The following GABRG3 variants were observed in gnomAD, a reference collection of about 807,000 sequenced individuals.
GABRG3 encodes gamma-aminobutyric acid receptor subunit gamma-3.
Under a neutral mutation model 48.8 loss-of-function variants are expected in GABRG3, and 25 were observed. The ratio of observed to expected loss-of-function variants is 0.51; its 90% CI spans 0.37 to 0.72. The LOEUF (loss-of-function observed/expected upper bound fraction) is 0.72. Among genes scored for constraint, GABRG3 ranks in the 30% least tolerant of loss-of-function variants. GABRG3 has a pLI of 0.00. For synonymous variants in GABRG3, 227 were observed against 217.6 expected, an observed-to-expected ratio of 1.04 and a Z score of -0.38; for missense variants, 394 against 577.9, an observed-to-expected ratio of 0.68 and a Z score of 3.26.
chr15:27,069,820 A>C (rs1361064958), intron 3 of GABRG3, among the ~76,000 whole-genome samples: 1 of 152,204 alleles, frequency 6.6e-6, no homozygotes, highest in Non-Finnish European at 1.5e-5. Flanking sequence ...CACATGCAAA[A>C]ATCAGATGCC....
intron 3 of GABRG3, among the ~76,000 whole-genome samples, chr15:27,150,739 A>G (rs2140396243): frequency 6.6e-6 from 1 of 152,340 alleles, no homozygotes; most frequent in Non-Finnish European, 1.5e-5. Context: ...TTACTGGCAG[A>G]GTGCAGATGA....
At chr15:27,252,860 C>T (rs933910609) in intron 3 of GABRG3, among the ~76,000 whole-genome samples, 7 of 152,216 alleles carry the variant, frequency 4.6e-5, no homozygotes, top group African/African-American at 1.7e-4. Flanking sequence ...ATTTAAAATT[C>T]TAAACTGTAA....
intron 3 of GABRG3, among the ~76,000 whole-genome samples, chr15:27,048,130 C>A (rs146803432): frequency 4.6e-5 from 7 of 152,202 alleles, no homozygotes; most frequent in African/African-American, 1.7e-4. Context: ...AGGGGTGCTG[C>A]AGGGGGGTGA....
chr15:27,004,136 C>A (rs947270120), intron 2 of GABRG3, among the ~76,000 whole-genome samples: 13 of 150,664 alleles, frequency 8.6e-5, no homozygotes, highest in East Asian at 4.0e-4. Flanking sequence ...CTGACCCCCC[C>A]ACCTCCCTCC....
At chr15:27,354,001 A>G (rs556073037) in intron 5 of GABRG3, among the ~76,000 whole-genome samples, 162 of 152,228 alleles carry the variant, frequency 1.1e-3, no homozygotes, top group Non-Finnish European at 1.9e-3. Flanking sequence ...GTAAGGGCTC[A>G]GGAGGGAAGA....
intron 3 of GABRG3, among the ~76,000 whole-genome samples, chr15:27,097,895 C>T (rs969219453): frequency 1.3e-5 from 2 of 151,320 alleles, no homozygotes; most frequent in Non-Finnish European, 2.9e-5. Context: ...TATTACAAGC[C>T]TGCTGTCATT....
intron 3 of GABRG3, among the ~76,000 whole-genome samples, chr15:27,273,671 A>G (rs1891160283): frequency 6.6e-6 from 1 of 152,240 alleles, no homozygotes; most frequent in Admixed American, 6.5e-5. Flanking sequence ...TAACAGGATT[A>G]TCTGCCTAGT....
At chr15:27,351,933 A>T in intron 5 of GABRG3, among the ~76,000 whole-genome samples, 2 of 131,252 alleles carry the variant, frequency 1.5e-5, no homozygotes, top group African/African-American at 2.9e-5. Context: ...TTGTGTGTGT[A>T]TGGTGTGTGT....
At chr15:27,387,062 G>A (rs780818955) in intron 5 of GABRG3, among the ~76,000 whole-genome samples, 1 of 152,112 alleles carries the variant, frequency 6.6e-6, no homozygotes, top group African/African-American at 2.4e-5. Flanking sequence ...ATTATAGAGA[G>A]TTACTTGTGT....
At chr15:27,505,369 T>G (rs1890737477) in intron 6 of GABRG3, among the ~76,000 whole-genome samples, 1 of 152,196 alleles carries the variant, frequency 6.6e-6, no homozygotes, top group Non-Finnish European at 1.5e-5. Flanking sequence ...TTTGCAATTT[T>G]CTACTTGTTA....
At chr15:27,088,248 GGCGGGC>G (rs1256044850) in intron 3 of GABRG3, among the ~76,000 whole-genome samples, 2 of 128,726 alleles carry the variant, frequency 1.6e-5, no homozygotes, top group East Asian at 4.6e-4. Flanking sequence ...GAGTGCTCGG[GGCGGGC>G]GCGGGGGCGG....
chr15:27,346,066 AG>A (rs1566796990), intron 5 of GABRG3, among the ~76,000 whole-genome samples: 224 of 100,902 alleles, frequency 2.2e-3, no homozygotes, highest in Middle Eastern at 6.4e-3. Flanking sequence ...AAANNAAAAA[AG>A]AGAGAGAAAG....
At chr15:27,084,238 C>T (rs906474242) in intron 3 of GABRG3, among the ~76,000 whole-genome samples, 23 of 152,226 alleles carry the variant, frequency 1.5e-4, no homozygotes, top group Non-Finnish European at 2.9e-4. Flanking sequence ...GATTATCCCA[C>T]GTGCCTCTGA....
chr15:26,991,039 G>A (rs867437742), intron 2 of GABRG3, among the ~76,000 whole-genome samples: 3 of 152,008 alleles, frequency 2.0e-5, no homozygotes, highest in African/African-American at 7.2e-5. Context: ...TCCTGACCTC[G>A]TGATCCACTC....
chr15:27,175,619 C>G (rs945255917), intron 3 of GABRG3, among the ~76,000 whole-genome samples: 1 of 152,144 alleles, frequency 6.6e-6, no homozygotes, highest in Non-Finnish European at 1.5e-5. Flanking sequence ...GAGGCTCTCA[C>G]GGGGACATTA....
At chr15:26,977,686 T>C (rs188873338) in intron 2 of GABRG3, among the ~76,000 whole-genome samples, 1 of 152,334 alleles carries the variant, frequency 6.6e-6, no homozygotes, top group African/African-American at 2.4e-5. Context: ...TGGTTGTTCA[T>C]GGTATGAGTG....
Position 27,267,181 on chromosome 15 carries a change from G to A in GABRG3, c.271-59628G>A, listed in dbSNP as rs1157225098. On this transcript the variant is annotated intron_variant, in intron 3 of 9. Transcript: ENST00000615808. ...GAGTGCAATGGCGTGATCTTGGCCCGCTGCAACCTCCTCCTCCTGGGTTCA... is the reference window on the plus strand; with the variant it reads ...GAGTGCAATGGCGTGATCTTGGCCCACTGCAACCTCCTCCTCCTGGGTTCA... Among the ~76,000 whole-genome samples the A allele has an allele frequency of 2.1e-5, 3 of 141,504 alleles. No individual in the cohort carries two copies. In the East Asian group the frequency reaches 6.7e-4, roughly 32 times the overall value. The allele number at this position is 141,504 out of a possible 152,430, so 92.8% of individuals were successfully genotyped here. A position where few individuals can be genotyped will look rare whatever the true frequency, so the allele number is the denominator to read the frequency against.
intron 5 of GABRG3, among the ~76,000 whole-genome samples, chr15:27,417,562 C>A (rs1887977908): frequency 6.6e-6 from 1 of 152,138 alleles, no homozygotes; most frequent in Non-Finnish European, 1.5e-5. Context: ...CAGGTGCCCT[C>A]AGGTCCACAG....
At chr15:27,166,345 T>G (rs1185551610) in intron 3 of GABRG3, among the ~76,000 whole-genome samples, 1 of 152,232 alleles carries the variant, frequency 6.6e-6, no homozygotes, top group Admixed American at 6.5e-5. Context: ...ATTTTAGTAT[T>G]GATTTGCTCT....
Sources: allele counts gnomAD v4.1 joint callset (sites outside exome capture counted in the v4.1 genomes callset), GRCh38; gene constraint gnomAD v4.1.1; transcripts MANE v1.5; gene names NCBI Gene and HGNC (gene_info 2026-07-23, HGNC 2026-07-21).